The following CDH13 variants were observed in gnomAD, a reference collection of about 807,000 sequenced individuals.
CDH13 encodes the protein cadherin-13.
CDH13 carries 24 observed loss-of-function variants against 63.8 expected under a neutral mutation model. That is an observed-to-expected ratio of 0.38 (90% confidence interval 0.27 to 0.53). The LOEUF (loss-of-function observed/expected upper bound fraction) is 0.53, where lower values mean the gene tolerates loss of function less well. CDH13 is among the 20% of genes least tolerant of loss of function. CDH13 has a pLI of 0.85. For missense variants in CDH13, 1,049 were observed against 903.1 expected (o/e 1.16, Z -2.07); for synonymous variants, 503 against 355.3 (o/e 1.42, Z -4.67).
chr16:82,654,084 AT>A (rs1911035193), intron 1 of CDH13, among the ~76,000 whole-genome samples: 1 of 152,126 alleles, frequency 6.6e-6, no homozygotes, highest in South Asian at 2.1e-4. Context: ...AGCCGCAAAA[AT>A]TCTCATTAGT....
chr16:82,916,937 A>T (rs2042008575), intron 2 of CDH13, among the ~76,000 whole-genome samples: 1 of 152,248 alleles, frequency 6.6e-6, no homozygotes, highest in Admixed American at 6.5e-5. Flanking sequence ...AACTAAAATT[A>T]TGTGAAAATA....
chr16:82,699,234 A>G (rs1409673139), intron 1 of CDH13, among the ~76,000 whole-genome samples: 1 of 152,162 alleles, frequency 6.6e-6, no homozygotes, highest in Non-Finnish European at 1.5e-5. Flanking sequence ...AGGCTGTAGT[A>G]GGGCCAGGGA....
rs577166530 is a variant in CDH13 at position 83,087,792 on chromosome 16, C to G, written c.367-37593C>G. Among the ~76,000 whole-genome samples the G allele has an allele frequency of 4.0e-5, 6 of 149,094 alleles. No individual in the cohort carries two copies. In the South Asian group the frequency reaches 8.8e-4, roughly 22 times the overall value. ...ACCTAATGATGTTTATTTTCAAACA[C>G]TTCAGTCCATTTATTATTGAATATA... On this transcript the variant is annotated intron_variant, in intron 3 of 13. Transcript: ENST00000567109.
intron 2 of CDH13, among the ~76,000 whole-genome samples, chr16:82,885,610 T>G (rs901636507): frequency 6.6e-6 from 1 of 152,146 alleles, no homozygotes; most frequent in Non-Finnish European, 1.5e-5. Context: ...CTTCTACCTT[T>G]TCTTCTATCT....
chr16:83,672,878 C>A (rs1255862533), intron 9 of CDH13, among the ~76,000 whole-genome samples: 1 of 152,168 alleles, frequency 6.6e-6, no homozygotes, highest in Non-Finnish European at 1.5e-5. Context: ...ATTTTATAGA[C>A]TCAGGACTAG....
chr16:83,106,121 C>T (rs1037177763), intron 3 of CDH13, among the ~76,000 whole-genome samples: 1 of 152,214 alleles, frequency 6.6e-6, no homozygotes, highest in Non-Finnish European at 1.5e-5. Flanking sequence ...TCCAGTAACA[C>T]CTCTTTTGCT....
At chr16:83,509,499 C>A (rs2074504961) in intron 7 of CDH13, among the ~76,000 whole-genome samples, 1 of 152,166 alleles carries the variant, frequency 6.6e-6, no homozygotes, top group Non-Finnish European at 1.5e-5. Context: ...ATGAGCATGG[C>A]TGTGTTCCAA....
At chr16:82,928,595 A>G (rs536082441) in intron 2 of CDH13, among the ~76,000 whole-genome samples, 18 of 152,320 alleles carry the variant, frequency 1.2e-4, no homozygotes, top group African/African-American at 4.3e-4. Flanking sequence ...TTAAGACCTT[A>G]TCTGGAGAAT....
At chr16:82,884,020 T>C (rs115661219) in intron 2 of CDH13, among the ~76,000 whole-genome samples, 1,618 of 152,282 alleles carry the variant, frequency 0.011, 26 homozygotes, top group African/African-American at 0.036. Context: ...AGGTGTTTTT[T>C]TTTGGGTGTA....
intron 1 of CDH13, among the ~76,000 whole-genome samples, chr16:82,642,247 G>GT (rs1037755366): frequency 6.6e-6 from 1 of 152,172 alleles, no homozygotes; most frequent in African/African-American, 2.4e-5. Context: ...ACACAATAGA[G>GT]TTGCATTTAA....
chr16:82,910,930 A>C (rs1471282577), intron 2 of CDH13, among the ~76,000 whole-genome samples: 1 of 152,158 alleles, frequency 6.6e-6, no homozygotes. Context: ...GTGAGCAAAG[A>C]ACATGACAGG....
chr16:83,708,439 C>T (rs755187012), intron 10 of CDH13, among the ~76,000 whole-genome samples: 2 of 152,296 alleles, frequency 1.3e-5, no homozygotes, highest in Non-Finnish European at 2.9e-5. Context: ...AATTCCCCAA[C>T]GCCCTTGGCT....
chr16:83,520,749 A>G lies in CDH13; in HGVS notation c.960+34094A>G, dbSNP rs185939887. 3.3e-5 allele frequency among the ~76,000 whole-genome samples: 5 copies of G among 152,322 alleles called. No homozygotes were observed. In the East Asian group the frequency reaches 9.7e-4, roughly 29 times the overall value. On this transcript the variant is annotated intron_variant, in intron 7 of 13. Coordinates refer to ENST00000567109, the MANE Select transcript of CDH13 (RefSeq NM_001257.5). ...TGGCATCATCAATTTTAGAGCCAGA[A>G]CAGGACGTGGCTAGCTTTTCAGCTG...
At chr16:83,369,658 C>G (rs2091326541) in intron 6 of CDH13, among the ~76,000 whole-genome samples, 1 of 152,108 alleles carries the variant, frequency 6.6e-6, no homozygotes, top group Non-Finnish European at 1.5e-5. Context: ...TCCCTGGCCT[C>G]AAGTGATCCT....
At chr16:83,038,492 C>A (rs1567770546) in intron 3 of CDH13, among the ~76,000 whole-genome samples, 1 of 152,226 alleles carries the variant, frequency 6.6e-6, no homozygotes, top group African/African-American at 2.4e-5. Flanking sequence ...GTGAGGTTAA[C>A]CTTCCGTGCA....
rs749266256 is a variant in CDH13, at chr16:83,748,179, C to T, written c.1610C>T (p.Ala537Val). 11 of 1,613,854 alleles carry T rather than the reference C, an allele frequency of 6.8e-6. No individual in the cohort carries two copies. Among genetic ancestry groups the T allele is most frequent in the Non-Finnish European group, 9.3e-6 (11 of 1,179,754 alleles). Reference protein sequence around the residue: ...NPINGTVDTTAVLDRESPFVD... With the variant: ...NPINGTVDTTVVLDRESPFVD... ...ATCAATGGGACTGTTGACACCACAG[C>T]TGTGCTGGACCGTGAGTCCCCATTT... The change falls in exon 11 of 14, where the codon GCT (alanine) becomes GTT (valine). Residue 537 changes from alanine (A) to valine (V), a missense_variant. By Grantham distance (64) the Ala-to-Val change is moderately conservative (BLOSUM62 0). Coordinates refer to ENST00000567109, the MANE Select transcript of CDH13 (RefSeq NM_001257.5).
intron 7 of CDH13, among the ~76,000 whole-genome samples, chr16:83,586,574 C>G (rs375917851): frequency 6.6e-6 from 1 of 152,144 alleles, no homozygotes; most frequent in African/African-American, 2.4e-5. Flanking sequence ...GCTCTGCTAA[C>G]GATCCAGGCT....
chr16:83,548,107 G>T (rs2075422153), intron 7 of CDH13, among the ~76,000 whole-genome samples: 1 of 152,140 alleles, frequency 6.6e-6, no homozygotes, highest in Non-Finnish European at 1.5e-5. Flanking sequence ...GGGGGGGATG[G>T]GAAGCTAGCC....
At position 83,625,032 on chromosome 16, in the gene CDH13, A is replaced by G. The variant is rs58641814; in HGVS notation, c.1101+22438A>G. On this transcript the variant is annotated intron_variant, in intron 8 of 13. Transcript: ENST00000567109. ...ATAGCTTGAAATTGGCCATGGGGGG[A>G]ATATTTAAGCACAAAAATGGACACA... is the stretch of plus-strand genomic sequence containing the variant. 1.8e-3 allele frequency among the ~76,000 whole-genome samples: 273 copies of G among 152,042 alleles called. 2 individuals are homozygous for G. The East Asian group carries it at 0.025, about 14-fold the overall frequency.
Sources: allele counts gnomAD v4.1 joint callset (sites outside exome capture counted in the v4.1 genomes callset), GRCh38; gene constraint gnomAD v4.1.1; transcripts MANE v1.5; gene names NCBI Gene and HGNC (gene_info 2026-07-23, HGNC 2026-07-21).